Variants in LYPD6 observed in about 807,000 individuals in gnomAD.
The protein encoded by LYPD6 is LY6/PLAUR domain containing 6.
A neutral mutation model predicts 22.7 loss-of-function variants in LYPD6; 15 were observed. The observed-to-expected ratio is 0.66, with a 90% confidence interval of 0.44 to 1.02. The LOEUF is 1.02. LYPD6 is among the 50% of genes least tolerant of loss of function. The pLI, the probability that LYPD6 is intolerant of heterozygous loss-of-function variation, is 0.00. For synonymous variants in LYPD6, 72 were observed against 77.5 expected (o/e 0.93, Z 0.37); for missense variants, 189 against 208.4 (o/e 0.91, Z 0.57).
chr2:149,419,773 CTT>C (rs1048060714), intron 1 of LYPD6, among the ~76,000 whole-genome samples: 5 of 152,144 alleles, frequency 3.3e-5, no homozygotes, highest in Non-Finnish European at 7.4e-5. Context: ...CCTTCAAAGA[CTT>C]TTGATCAAAT....
chr2:149,373,367 A>G (rs1310233815), intron 1 of LYPD6, among the ~76,000 whole-genome samples: 2 of 152,208 alleles, frequency 1.3e-5, no homozygotes, highest in Admixed American at 6.5e-5. Context: ...AGTTGCTGGC[A>G]TGGTATTTAA....
rs1681323779 is a variant in LYPD6, at chr2:149,471,054, C to T, written c.*204C>T. The T allele has an allele frequency of 2.1e-6, 1 of 466,804 alleles. No individual in the cohort carries two copies. The highest frequency in any genetic ancestry group is 3.1e-5 in the East Asian group (1 of 32,576). The allele number at this position is 466,804 out of a possible 1,614,324, so 28.9% of individuals were successfully genotyped here. ...TGAGTCTAACCGAGACTCATCAAAG[C>T]CTTCTGTCAGTACAGCCCAAGTTCC... On this transcript the variant is annotated 3_prime_UTR_variant, in exon 5 of 5. Coordinates refer to ENST00000334166, the MANE Select transcript of LYPD6 (RefSeq NM_194317.5).
intron 1 of LYPD6, among the ~76,000 whole-genome samples, chr2:149,407,027 A>C (rs200509573): frequency 2.0e-3 from 304 of 152,132 alleles, no homozygotes; most frequent in East Asian, 0.014. Context: ...TCTGGGTTGA[A>C]AATTCTTTTC....
rs572513961 is a variant in LYPD6, at chr2:149,416,772, G to A, written c.-71-20866G>A. Among the ~76,000 whole-genome samples, 8 of 152,312 alleles carry A rather than the reference G, an allele frequency of 5.3e-5. No homozygotes were observed. The East Asian group carries it at 5.8e-4, about 11-fold the overall frequency. Reference sequence around the variant, plus strand: ...CCCGTGGAGGACTCTGATGCAGTGCGTATGCTGCATCCTGAAGGACAGCAC... The same window carrying A: ...CCCGTGGAGGACTCTGATGCAGTGCATATGCTGCATCCTGAAGGACAGCAC... On this transcript the variant is annotated intron_variant, in intron 1 of 4. Coordinates refer to ENST00000334166, the MANE Select transcript of LYPD6 (RefSeq NM_194317.5).
intron 1 of LYPD6, among the ~76,000 whole-genome samples, chr2:149,391,577 A>G (rs578093329): frequency 6.6e-6 from 1 of 152,212 alleles, no homozygotes; most frequent in Admixed American, 6.5e-5. Context: ...AGGGCCCCTC[A>G]TGATCTATAA....
At chr2:149,357,519 C>G (rs1351423936) in intron 1 of LYPD6, among the ~76,000 whole-genome samples, 2 of 151,972 alleles carry the variant, frequency 1.3e-5, no homozygotes, top group Admixed American at 6.6e-5. Flanking sequence ...TAAATATATC[C>G]CCAAAGGCTA....
At chr2:149,434,124 C>T (rs899790095) in intron 1 of LYPD6, among the ~76,000 whole-genome samples, 1 of 152,000 alleles carries the variant, frequency 6.6e-6, no homozygotes, top group Non-Finnish European at 1.5e-5. Flanking sequence ...CTTAGTTCTG[C>T]ACATAGACAT....
chr2:149,483,616 TA>T, the LYPD6 span, among the ~76,000 whole-genome samples: 69 of 151,938 alleles, frequency 4.5e-4, no homozygotes, highest in South Asian at 1.2e-3. Context: ...TGCAGTTGGT[TA>T]AAAAAAATAG....
intron 1 of LYPD6, among the ~76,000 whole-genome samples, chr2:149,385,099 C>A (rs1213986737): frequency 6.6e-6 from 1 of 151,912 alleles, no homozygotes; most frequent in Non-Finnish European, 1.5e-5. Context: ...CTTTCATTTC[C>A]TCTCCTTTCA....
intron 1 of LYPD6, among the ~76,000 whole-genome samples, chr2:149,397,950 C>T (rs1328008820): frequency 2.0e-5 from 3 of 151,928 alleles, no homozygotes; most frequent in Non-Finnish European, 2.9e-5. Flanking sequence ...AATAAAATAT[C>T]CTCTCTGTGC....
At position 149,457,586 on chromosome 2, in the gene LYPD6, A is replaced by G. The variant is rs114663406; in HGVS notation, c.217+8439A>G. ...ACTGGAGACATTCTTAGTTGTTACT[A>G]TTGGCAGTGACATTGGCATCTAGTG... On this transcript the variant is annotated intron_variant, in intron 3 of 4. Transcript: ENST00000334166. Among the ~76,000 whole-genome samples, 455 of 152,288 alleles carry G rather than the reference A, an allele frequency of 3.0e-3. 4 individuals carry two copies. Among genetic ancestry groups the G allele is most frequent in the Non-Finnish European group, 5.5e-3 (377 of 68,018 alleles).
At chr2:149,393,617 T>C (rs985105550) in intron 1 of LYPD6, among the ~76,000 whole-genome samples, 1 of 152,152 alleles carries the variant, frequency 6.6e-6, no homozygotes, top group Non-Finnish European at 1.5e-5. Context: ...TGGCCCCTTG[T>C]GGGCAGCCAG....
chr2:149,441,830 C>A (rs1445475626), intron 2 of LYPD6, among the ~76,000 whole-genome samples: 1 of 152,180 alleles, frequency 6.6e-6, no homozygotes, highest in East Asian at 1.9e-4. Flanking sequence ...TCTTAGCCTC[C>A]ATTTCTTTCC....
chr2:149,455,023 A>G (rs1417268451), intron 3 of LYPD6, among the ~76,000 whole-genome samples: 1 of 151,956 alleles, frequency 6.6e-6, no homozygotes, highest in Non-Finnish European at 1.5e-5. Context: ...TGAATCAGCA[A>G]ATGCCTCGAG....
chr2:149,349,281 C>G (rs1479297259), intron 1 of LYPD6, among the ~76,000 whole-genome samples: 1 of 152,054 alleles, frequency 6.6e-6, no homozygotes, highest in Non-Finnish European at 1.5e-5. Flanking sequence ...CTGTCAGAGA[C>G]AGAGTGAAGA....
In LYPD6 at chr2:149,473,013, C is replaced by T. The variant is rs1681378202; in HGVS notation, c.*2163C>T. The T allele has an allele frequency of 6.6e-6, 1 of 152,502 alleles. No homozygotes were observed. The highest frequency in any genetic ancestry group is 6.6e-5 in the Admixed American group (1 of 15,262). The allele number at this position is 152,502 out of a possible 1,614,324, so 9.4% of individuals were successfully genotyped here. A position where few individuals can be genotyped will look rare whatever the true frequency, so the allele number is the denominator to read the frequency against. ...TTGGGGAGTAGGGGTTTGGCTTCCT[C>T]ATTCATCCCTCTTGCTAAAAGAGGA... is the stretch of plus-strand genomic sequence containing the variant. On this transcript the variant is annotated 3_prime_UTR_variant, in exon 5 of 5. Transcript: ENST00000334166.
chr2:149,344,885 G>C (rs545781833), intron 1 of LYPD6, among the ~76,000 whole-genome samples: 3 of 152,142 alleles, frequency 2.0e-5, no homozygotes, highest in Non-Finnish European at 4.4e-5. Context: ...GTAATCTCTT[G>C]AGTCAGAAAG....
chr2:149,360,714 A>G (rs1681555738), intron 1 of LYPD6, among the ~76,000 whole-genome samples: 1 of 151,906 alleles, frequency 6.6e-6, no homozygotes, highest in Non-Finnish European at 1.5e-5. Context: ...TTTGAAATAT[A>G]AATCTCAATG....
At chr2:149,364,861 G>T (rs1253879783) in intron 1 of LYPD6, among the ~76,000 whole-genome samples, 1 of 152,148 alleles carries the variant, frequency 6.6e-6, no homozygotes, top group East Asian at 1.9e-4. Flanking sequence ...TTACTCTGTA[G>T]CATCTCTGGA....
Sources: gnomAD v4.1 joint callset for allele counts (sites outside exome capture counted in the v4.1 genomes callset) on GRCh38, gnomAD v4.1.1 for gene constraint, MANE v1.5 for transcripts, NCBI Gene and HGNC (gene_info 2026-07-23, HGNC 2026-07-21) for gene names.